GLIS1: variants seen among roughly 807,000 people sequenced by gnomAD.
The protein encoded by GLIS1 is zinc finger protein GLIS1.
A neutral mutation model predicts 63.8 loss-of-function variants in GLIS1; 24 were observed. The observed-to-expected ratio is 0.38, with a 90% confidence interval of 0.27 to 0.53. GLIS1 has a LOEUF of 0.53. Among genes scored for constraint, GLIS1 ranks in the 20% least tolerant of loss-of-function variants. GLIS1 has a pLI of 0.85. For synonymous variants in GLIS1, 450 were observed against 482.5 expected (o/e 0.93, Z 0.88); for missense variants, 1,036 against 1,074.1 (o/e 0.96, Z 0.50).
intron 2 of GLIS1, among the ~76,000 whole-genome samples, chr1:53,602,209 T>A (rs1387094893): frequency 6.6e-6 from 1 of 152,062 alleles, no homozygotes; most frequent in Non-Finnish European, 1.5e-5. Flanking sequence ...TAAAATGAAA[T>A]CCCTGGTAAC....
rs532848623 is a variant in GLIS1 at position 53,530,391 on chromosome 1, G to C, written c.1321-439C>G. Among the ~76,000 whole-genome samples, 3 of 152,298 alleles carry C rather than the reference G, an allele frequency of 2.0e-5. No individual in the cohort carries two copies. The South Asian group carries it at 6.2e-4, about 32-fold the overall frequency. ...CAGAGAGGCTTTGGGCAGTGCTCTT[G>C]ACCCCTCTGCGCCTTGTTTCCTTGT... On this transcript the variant is annotated intron_variant, in intron 4 of 10. Transcript: ENST00000628545.
Position 53,560,580 on chromosome 1 carries a change from C to G in GLIS1, c.1321-30628G>C, listed in dbSNP as rs1644876633. Among the ~76,000 whole-genome samples, 1 of 152,222 alleles carries G rather than the reference C, an allele frequency of 6.6e-6. No homozygotes were observed. Among genetic ancestry groups the G allele is most frequent in the African/African-American group, 2.4e-5 (1 of 41,460 alleles). ...AGGGCAGAGCGGGCTATAGGTGAGACTGAAGACAGGCCCCTATTTGGCTGG... is the reference window on the plus strand; with the variant it reads ...AGGGCAGAGCGGGCTATAGGTGAGAGTGAAGACAGGCCCCTATTTGGCTGG... On this transcript the variant is annotated intron_variant, in intron 4 of 10. Coordinates refer to ENST00000628545, the MANE Select transcript of GLIS1 (RefSeq NM_001367484.1). This position sits in a 1 kb window ranked among gnomAD's most constrained non-coding sequence, Gnocchi z 4.4.
rs1644234833 is a variant in GLIS1 at position 53,506,631 on chromosome 1, G to A, written c.2376C>T (p.Tyr792=). 6 of 1,613,412 alleles carry A rather than the reference G, an allele frequency of 3.7e-6. 1 individual carries two copies. In the South Asian group the frequency reaches 5.5e-5, roughly 15 times the overall value. Residue 792 remains tyrosine (Y), a synonymous_variant, in exon 11 of 11, where the codon TAC becomes TAT. Transcript: ENST00000628545. ...DHCLGHIPSI[Y]TDT Reference sequence around the variant, plus strand: ...TGTGGGGGCTCCTTCAGGTGTCTGTGTAGATGGAGGGGATGTGGCCCAGGC... The same window carrying A: ...TGTGGGGGCTCCTTCAGGTGTCTGTATAGATGGAGGGGATGTGGCCCAGGC...
chr1:53,645,520 T>G (rs1645835236), intron 2 of GLIS1, among the ~76,000 whole-genome samples: 1 of 152,090 alleles, frequency 6.6e-6, no homozygotes, highest in Non-Finnish European at 1.5e-5. Flanking sequence ...TCCCGCTTAC[T>G]CTCTTATCCA....
intron 2 of GLIS1, among the ~76,000 whole-genome samples, chr1:53,723,123 ACT>A (rs1168973839): frequency 6.6e-6 from 1 of 151,762 alleles, no homozygotes; most frequent in Non-Finnish European, 1.5e-5. Context: ...ACAGAGTGAG[ACT>A]CTGTCTCAAA....
chr1:53,587,457 G>A (rs910440210), intron 4 of GLIS1, among the ~76,000 whole-genome samples: 25 of 152,208 alleles, frequency 1.6e-4, no homozygotes, highest in African/African-American at 6.0e-4. Flanking sequence ...GCTTGAGTGG[G>A]TGGGACCACT....
chr1:53,575,519 C>T (rs1645024506), intron 4 of GLIS1, among the ~76,000 whole-genome samples: 1 of 152,222 alleles, frequency 6.6e-6, no homozygotes, highest in Non-Finnish European at 1.5e-5. Flanking sequence ...CCACACGGGG[C>T]CCTAGTGTCC....
In GLIS1 at chr1:53,575,484, G is replaced by A. The variant is rs138192182; in HGVS notation, c.1320+18624C>T. On this transcript the variant is annotated intron_variant, in intron 4 of 10. Transcript: ENST00000628545. ...CACCCTTCCTGTCCTTTAGCACCTC[G>A]GTAGTTCTTATCAAGCTTTCCTCCC... Among the ~76,000 whole-genome samples the A allele has an allele frequency of 4.0e-4, 61 of 152,250 alleles. No individual in the cohort carries two copies. In the East Asian group the frequency reaches 0.01, roughly 26 times the overall value.
intron 2 of GLIS1, among the ~76,000 whole-genome samples, chr1:53,681,796 T>C (rs1423960393): frequency 2.6e-5 from 4 of 151,686 alleles, no homozygotes; most frequent in African/African-American, 9.7e-5. Flanking sequence ...GCTGAGTGCA[T>C]TCGAGGTTGC....
intron 2 of GLIS1, among the ~76,000 whole-genome samples, chr1:53,605,882 T>C (rs1054010708): frequency 3.9e-5 from 6 of 152,016 alleles, no homozygotes; most frequent in Non-Finnish European, 8.8e-5. Context: ...GCTGGGAGGG[T>C]AGGTGGCTGG....
intron 4 of GLIS1, among the ~76,000 whole-genome samples, chr1:53,553,150 A>T (rs1452751299): frequency 1.3e-5 from 2 of 152,056 alleles, no homozygotes; most frequent in Non-Finnish European, 2.9e-5. Context: ...CATCCCCATC[A>T]GCCTTGGCGA....
At chr1:53,635,639 T>C (rs1645715767) in intron 2 of GLIS1, among the ~76,000 whole-genome samples, 1 of 151,318 alleles carries the variant, frequency 6.6e-6, no homozygotes, top group Non-Finnish European at 1.5e-5. Context: ...CACACTACAA[T>C]AGGATCATAA....
At chr1:53,514,882 CAA>C (rs1290185329) in intron 7 of GLIS1, 101 bp from the exon 8 acceptor site, 8 of 1,362,920 alleles carry the variant, frequency 5.9e-6, no homozygotes, top group Non-Finnish European at 7.9e-6. Context: ...GAAATAAAGA[CAA>C]GAGGGAAAAT....
chr1:53,704,534 C>G (rs1319080875), intron 2 of GLIS1, among the ~76,000 whole-genome samples: 1 of 151,532 alleles, frequency 6.6e-6, no homozygotes, highest in African/African-American at 2.4e-5. Flanking sequence ...AGCAGATGAA[C>G]AGTGGTGAGG....
chr1:53,541,515 G>A (rs1436481468), intron 4 of GLIS1, among the ~76,000 whole-genome samples: 1 of 152,282 alleles, frequency 6.6e-6, no homozygotes, highest in Admixed American at 6.5e-5. Flanking sequence ...ATCCAGCCCA[G>A]TGCCTGGACT....
At chr1:53,737,770 A>G in intron 2 of GLIS1, 36 bp downstream of exon 2, 2 of 1,230,618 alleles carry the variant, frequency 1.6e-6, no homozygotes, top group Non-Finnish European at 2.0e-6. Context: ...GAATCTCCAC[A>G]GGAGCCGCCA....
intron 2 of GLIS1, among the ~76,000 whole-genome samples, chr1:53,686,132 C>T (rs1296120079): frequency 6.6e-6 from 1 of 152,180 alleles, no homozygotes. Flanking sequence ...GACTGCAAAG[C>T]CCCTTTAGGA....
At position 53,538,110 on chromosome 1, in the gene GLIS1, C is replaced by T. The variant is rs551876589; in HGVS notation, c.1321-8158G>A. On this transcript the variant is annotated intron_variant, in intron 4 of 10. Coordinates refer to ENST00000628545, the MANE Select transcript of GLIS1 (RefSeq NM_001367484.1). ...CTGAGGTTACTGTCCTGTGCTCCCC[C>T]GTGGGGCTCCTTGAGGGTCTCCTCA... Among the ~76,000 whole-genome samples, 741 of 152,342 alleles carry T rather than the reference C, an allele frequency of 4.9e-3. 2 individuals carry two copies. The highest frequency in any genetic ancestry group is 0.017 in the African/African-American group (698 of 41,562).
chr1:53,638,308 C>T (rs916554200), intron 2 of GLIS1, among the ~76,000 whole-genome samples: 3 of 152,210 alleles, frequency 2.0e-5, no homozygotes, highest in African/African-American at 7.2e-5. Flanking sequence ...CCAAAGACAA[C>T]GTGGTCCGTT....
Sources: gnomAD v4.1 joint callset for allele counts (sites outside exome capture counted in the v4.1 genomes callset) on GRCh38, gnomAD v4.1.1 for gene constraint, Gnocchi (gnomAD v3.1) non-coding constraint, MANE v1.5 for transcripts, NCBI Gene and HGNC (gene_info 2026-07-23, HGNC 2026-07-21) for gene names.